The following ZSCAN25 variants were observed in gnomAD, a reference collection of about 807,000 sequenced individuals.
ZSCAN25 encodes zinc finger and SCAN domain containing 25, also known as zinc finger and SCAN domain-containing protein 25.
Under a neutral mutation model 38.7 loss-of-function variants are expected in ZSCAN25, and 27 were observed. The ratio of observed to expected loss-of-function variants is 0.70; its 90% confidence interval spans 0.51 to 0.96. The LOEUF (loss-of-function observed/expected upper bound fraction) is 0.96, where lower values mean the gene tolerates loss of function less well. ZSCAN25 is among the 40% of genes least tolerant of loss of function. The pLI, the probability that ZSCAN25 is intolerant of heterozygous loss-of-function variation, is 0.00. For missense variants in ZSCAN25, 637 were observed against 705.9 expected (o/e 0.90, Z 1.11); for synonymous variants, 273 against 277.7 (o/e 0.98, Z 0.17).
At chr7:99,669,757 A>G in the ZSCAN25 span, among the ~76,000 whole-genome samples, 1 of 152,248 alleles carries the variant, frequency 6.6e-6, no homozygotes, top group African/African-American at 2.4e-5. Context: ...CTATTAAAAG[A>G]CACAACTAAA....
At chr7:99,674,422 T>G in the ZSCAN25 span, 2 of 742,036 alleles carry the variant, frequency 2.7e-6, no homozygotes, top group South Asian at 4.2e-5. Context: ...CTGTTTGTAT[T>G]TAGGTTGACA....
intron 5 of ZSCAN25, 176 bp downstream of exon 5, chr7:99,621,750 C>A: frequency 2.2e-6 from 1 of 455,984 alleles, no homozygotes; most frequent in Non-Finnish European, 3.7e-6. Context: ...TTTCTTCTCC[C>A]TTTACCCTCT....
At chr7:99,668,965 T>C in the ZSCAN25 span, among the ~76,000 whole-genome samples, 1 of 152,248 alleles carries the variant, frequency 6.6e-6, no homozygotes, top group African/African-American at 2.4e-5. Context: ...GTGTTTAATA[T>C]TATTTAGAAG....
rs116241809 is a variant in ZSCAN25 at position 99,628,796 on chromosome 7, T to A, written c.806-395T>A. 5.9e-3 allele frequency among the ~76,000 whole-genome samples: 899 copies of A among 152,040 alleles called. 7 individuals are homozygous for A. Among genetic ancestry groups the A allele is most frequent in the African/African-American group, 0.019 (781 of 41,492 alleles). ...TCGTTTGGGGAAGGCGCAGGACATC[T>A]GGATGAATGGAAACAGCATTTCCAA... On this transcript the variant is annotated intron_variant, in intron 7 of 7. Coordinates refer to ENST00000394152, the MANE Select transcript of ZSCAN25 (RefSeq NM_145115.3).
At chr7:99,645,627 ACT>A in the ZSCAN25 span, among the ~76,000 whole-genome samples, 1 of 148,770 alleles carries the variant, frequency 6.7e-6, no homozygotes, top group Non-Finnish European at 1.5e-5. Flanking sequence ...TTATTTTTTG[ACT>A]CTTTATTAAT....
At chr7:99,717,578 T>C in the ZSCAN25 span, 1 of 1,613,750 alleles carries the variant, frequency 6.2e-7, no homozygotes, top group South Asian at 1.1e-5. Context: ...TCGTATTCTC[T>C]TCCATTCTTC....
At chr7:99,698,047 G>A in the ZSCAN25 span, among the ~76,000 whole-genome samples, 2 of 146,280 alleles carry the variant, frequency 1.4e-5, no homozygotes, top group African/African-American at 4.9e-5. Context: ...AGGCTGTGCT[G>A]GGCAAACTGT....
the ZSCAN25 span, among the ~76,000 whole-genome samples, chr7:99,683,678 T>C: frequency 2.6e-5 from 4 of 152,280 alleles, no homozygotes; most frequent in East Asian, 7.7e-4. Flanking sequence ...CTGTTTAGGC[T>C]CTGGCTGCTT....
chr7:99,733,055 G>T, the ZSCAN25 span, among the ~76,000 whole-genome samples: 1 of 152,216 alleles, frequency 6.6e-6, no homozygotes, highest in Non-Finnish European at 1.5e-5. Context: ...GAACCCAGCA[G>T]AGACAGCATA....
At chr7:99,649,390 A>C in the ZSCAN25 span, among the ~76,000 whole-genome samples, 13 of 152,212 alleles carry the variant, frequency 8.5e-5, no homozygotes, top group Admixed American at 8.5e-4. Flanking sequence ...TGAATCAATG[A>C]CATCTGTTCT....
At chr7:99,662,837 T>C in the ZSCAN25 span, 1 of 1,614,022 alleles carries the variant, frequency 6.2e-7, no homozygotes, top group Non-Finnish European at 8.5e-7. The surrounding 1 kb of genome is among the most constrained non-coding windows in gnomAD (Gnocchi z 4.3). Context: ...TCAGTTTCTT[T>C]CGAATTCTGG....
the ZSCAN25 span, among the ~76,000 whole-genome samples, chr7:99,657,395 G>C: frequency 1.3e-5 from 2 of 152,198 alleles, no homozygotes; most frequent in Non-Finnish European, 2.9e-5. Flanking sequence ...GAGCGGTTTT[G>C]AGTGAGTTTC....
the ZSCAN25 span, among the ~76,000 whole-genome samples, chr7:99,687,351 A>T: frequency 6.6e-6 from 1 of 152,230 alleles, no homozygotes; most frequent in African/African-American, 2.4e-5. Flanking sequence ...CTGAAGGCCA[A>T]GGATTGAGAA....
chr7:99,718,850 A>G, the ZSCAN25 span, among the ~76,000 whole-genome samples: 2 of 152,228 alleles, frequency 1.3e-5, no homozygotes, highest in Non-Finnish European at 2.9e-5. Flanking sequence ...GCATGTTTCT[A>G]TGTACCAACA....
chr7:99,696,639 T>A, the ZSCAN25 span, among the ~76,000 whole-genome samples: 1 of 152,158 alleles, frequency 6.6e-6, no homozygotes, highest in African/African-American at 2.4e-5. Flanking sequence ...AAAAACCAAT[T>A]TCCAGGACAT....
At chr7:99,672,664 T>G in the ZSCAN25 span, 3 of 1,614,002 alleles carry the variant, frequency 1.9e-6, no homozygotes, top group Non-Finnish European at 1.7e-6. Context: ...GCACAGGGAG[T>G]TGACCTTCAT....
At chr7:99,717,607 G>A in the ZSCAN25 span, 3 of 1,613,654 alleles carry the variant, frequency 1.9e-6, no homozygotes, top group African/African-American at 2.7e-5. Flanking sequence ...CTATAGAGAT[G>A]GCATTTTTCA....
chr7:99,650,346 A>C, the ZSCAN25 span: 3 of 944,278 alleles, frequency 3.2e-6, no homozygotes, highest in Non-Finnish European at 4.9e-6. Context: ...AGTAGTACAC[A>C]GGATACTTTT....
intron 3 of ZSCAN25, 146 bp from the exon 4 acceptor site, chr7:99,619,415 G>T: frequency 1.6e-6 from 1 of 631,748 alleles, no homozygotes. Context: ...TTACTATGTT[G>T]AATTGACCTG....
Sources: gnomAD v4.1 joint callset for allele counts (sites outside exome capture counted in the v4.1 genomes callset) on GRCh38, gnomAD v4.1.1 for gene constraint, Gnocchi (gnomAD v3.1) non-coding constraint, MANE v1.5 for transcripts, NCBI Gene and HGNC (gene_info 2026-07-23, HGNC 2026-07-21) for gene names.